MELK: variants seen among roughly 807,000 people sequenced by gnomAD.
MELK encodes pEg3 kinase.
In MELK, 81 loss-of-function variants were observed where a neutral mutation model predicts 85.0. The observed-to-expected ratio is 0.95, with a 90% confidence interval of 0.80 to 1.15. The LOEUF (loss-of-function observed/expected upper bound fraction) is 1.15. Ranked by LOEUF, MELK falls within the 50% of genes most tolerant of loss-of-function variation. The probability of loss-of-function intolerance (pLI) is 0.00; values close to 1 mark genes in which losing one functional copy is unlikely to be tolerated. For missense variants in MELK, 754 were observed against 777.5 expected (o/e 0.97, Z 0.36); for synonymous variants, 252 against 265.0 (o/e 0.95, Z 0.48).
intron 8 of MELK, among the ~76,000 whole-genome samples, chr9:36,614,392 G>C (rs1826342360): frequency 6.7e-6 from 1 of 149,750 alleles, no homozygotes; most frequent in Non-Finnish European, 1.5e-5. Context: ...ACTGCTTCTG[G>C]CCTGGATGTC....
At chr9:36,634,091 G>A (rs1828888901) in intron 10 of MELK, among the ~76,000 whole-genome samples, 1 of 152,132 alleles carries the variant, frequency 6.6e-6, no homozygotes, top group African/African-American at 2.4e-5. Context: ...GGAAAACACT[G>A]GTTTGCTGAG....
chr9:36,631,947 C>T (rs1828678534), intron 9 of MELK, among the ~76,000 whole-genome samples: 1 of 152,172 alleles, frequency 6.6e-6, no homozygotes, highest in African/African-American at 2.4e-5. Context: ...CAGGTATGAG[C>T]CACGGCATCC....
chr9:36,618,270 G>C (rs888884403), intron 8 of MELK, among the ~76,000 whole-genome samples: 1 of 151,948 alleles, frequency 6.6e-6, no homozygotes, highest in Non-Finnish European at 1.5e-5. Flanking sequence ...TTTTCTGGTC[G>C]TGGTGGTGCA....
chr9:36,630,894 T>C (rs533857652), intron 9 of MELK, among the ~76,000 whole-genome samples: 45 of 152,194 alleles, frequency 3.0e-4, no homozygotes, highest in African/African-American at 1.1e-3. Context: ...CCTCAAGGTA[T>C]CTGCCTGCCT....
intron 8 of MELK, among the ~76,000 whole-genome samples, chr9:36,619,161 G>A (rs560769578): frequency 1.8e-4 from 27 of 152,170 alleles, no homozygotes; most frequent in African/African-American, 6.0e-4. Flanking sequence ...GTTTCACCAT[G>A]TTGGTCAGGC....
intron 11 of MELK, among the ~76,000 whole-genome samples, chr9:36,650,682 G>A (rs1164653142): frequency 6.6e-6 from 1 of 152,234 alleles, no homozygotes; most frequent in Non-Finnish European, 1.5e-5. Context: ...ACTGGAGGAT[G>A]TGTTCCACAA....
At chr9:36,659,926 T>A (rs2890731) in intron 13 of MELK, among the ~76,000 whole-genome samples, 137,436 of 152,252 alleles carry the variant, frequency 0.9, 62,081 homozygotes, top group East Asian at 0.92. Context: ...CAGCCTCCCA[T>A]GGAGCTGGGA....
chr9:36,651,401 G>A (rs1402088722), intron 11 of MELK, among the ~76,000 whole-genome samples: 1 of 152,190 alleles, frequency 6.6e-6, no homozygotes, highest in Non-Finnish European at 1.5e-5. Context: ...GGGAAAGGGA[G>A]GGAGTTGCAG....
intron 10 of MELK, among the ~76,000 whole-genome samples, chr9:36,639,616 G>A (rs1829556306): frequency 6.6e-6 from 1 of 152,208 alleles, no homozygotes; most frequent in Non-Finnish European, 1.5e-5. Flanking sequence ...AGTATGTGTG[G>A]CTGAGGATTC....
At chr9:36,632,190 C>T (rs1399060340) in intron 9 of MELK, among the ~76,000 whole-genome samples, 5 of 152,100 alleles carry the variant, frequency 3.3e-5, no homozygotes, top group Non-Finnish European at 7.3e-5. Context: ...CTAACAAGCT[C>T]CCAGAAGATG....
chr9:36,583,691 C>G lies in MELK; in HGVS notation c.123C>G (p.Ile41Met), dbSNP rs779979550. ...CTGGAGAGATGGTAGCTATAAAAATCATGGATAAAAACACACTAGGGGTAA... is the reference window on the plus strand; with the variant it reads ...CTGGAGAGATGGTAGCTATAAAAATGATGGATAAAAACACACTAGGGGTAA... Reference protein sequence around the residue: ...ILTGEMVAIKIMDKNTLGSDL... With the variant: ...ILTGEMVAIKMMDKNTLGSDL... Residue 41 changes from isoleucine (I) to methionine (M), a missense_variant, in exon 3 of 18, where the codon ATC (isoleucine) becomes ATG (methionine). Transcript: ENST00000298048. The G allele has an allele frequency of 1.2e-5, 20 of 1,612,170 alleles. No individual in the cohort carries two copies. Among genetic ancestry groups the G allele is most frequent in the Non-Finnish European group, 1.7e-5 (20 of 1,178,710 alleles).
intron 8 of MELK, among the ~76,000 whole-genome samples, chr9:36,626,312 C>A (rs1230510379): frequency 1.3e-5 from 2 of 152,094 alleles, no homozygotes; most frequent in East Asian, 1.9e-4. Flanking sequence ...CAAACAATTT[C>A]TTTGGAGTCT....
intron 12 of MELK, among the ~76,000 whole-genome samples, chr9:36,654,481 G>A (rs1467736547): frequency 1.3e-5 from 2 of 150,972 alleles, no homozygotes; most frequent in African/African-American, 4.9e-5. Context: ...TCATTGTCCC[G>A]AGTAGCTGGG....
intron 8 of MELK, among the ~76,000 whole-genome samples, chr9:36,615,335 G>T (rs1327689216): frequency 9.6e-5 from 12 of 125,402 alleles, no homozygotes; most frequent in East Asian, 2.8e-4. Flanking sequence ...GCGGCTGGCC[G>T]GGCGGGGGGC....
chr9:36,617,386 G>A (rs970377952), intron 8 of MELK, among the ~76,000 whole-genome samples: 4 of 151,506 alleles, frequency 2.6e-5, no homozygotes, highest in African/African-American at 7.3e-5. Flanking sequence ...AGGCTGGAGT[G>A]CAGTGGTGCA....
intron 16 of MELK, among the ~76,000 whole-genome samples, chr9:36,672,511 C>T (rs1024647030): frequency 1.3e-5 from 2 of 152,176 alleles, no homozygotes; most frequent in Non-Finnish European, 2.9e-5. Context: ...ATAGAAACTA[C>T]TGTGGTGTTA....
intron 8 of MELK, among the ~76,000 whole-genome samples, chr9:36,608,429 A>G (rs10814413): frequency 0.23 from 34,286 of 151,444 alleles, 6,300 homozygotes; most frequent in African/African-American, 0.51. Flanking sequence ...ATATATATAT[A>G]TATATGGAAA....
intron 1 of MELK, among the ~76,000 whole-genome samples, chr9:36,580,846 A>G (rs1427694728): frequency 6.6e-6 from 1 of 151,584 alleles, no homozygotes. Flanking sequence ...CTCCTGCATC[A>G]GCCTCCCAAG....
At chr9:36,662,074 T>C (rs989721285) in intron 13 of MELK, among the ~76,000 whole-genome samples, 1 of 151,944 alleles carries the variant, frequency 6.6e-6, no homozygotes, top group Non-Finnish European at 1.5e-5. Context: ...TATATATCTT[T>C]CTTTTTTTAT....
Sources: gnomAD v4.1 joint callset for allele counts (sites outside exome capture counted in the v4.1 genomes callset) on GRCh38, gnomAD v4.1.1 for gene constraint, MANE v1.5 for transcripts, NCBI Gene and HGNC (gene_info 2026-07-23, HGNC 2026-07-21) for gene names.